The following GDAP1 variants were observed in gnomAD, a reference collection of about 807,000 sequenced individuals.
The protein encoded by GDAP1 is ganglioside-induced differentiation-associated protein 1.
A neutral mutation model predicts 40.1 loss-of-function variants in GDAP1; 34 were observed. That is an observed-to-expected ratio of 0.85 (90% confidence interval 0.64 to 1.13). The LOEUF (loss-of-function observed/expected upper bound fraction) is 1.13, where lower values mean the gene tolerates loss of function less well. Ranked by LOEUF, GDAP1 falls within the 50% of genes most tolerant of loss-of-function variation. GDAP1 has a pLI of 0.00. For missense variants in GDAP1, 374 were observed against 433.7 expected (o/e 0.86, Z 1.22); for synonymous variants, 170 against 157.4 (o/e 1.08, Z -0.60).
chr8:74,391,030 G>C (rs895793104), intron 2 of GDAP1, among the ~76,000 whole-genome samples: 1 of 151,986 alleles, frequency 6.6e-6, no homozygotes, highest in Non-Finnish European at 1.5e-5. Flanking sequence ...GACACCCCTC[G>C]CCCCACCAAG....
At chr8:74,469,062 A>T (rs1806510618) in intron 2 of GDAP1, among the ~76,000 whole-genome samples, 2 of 152,182 alleles carry the variant, frequency 1.3e-5, no homozygotes, top group Non-Finnish European at 2.9e-5. Flanking sequence ...ATGAATTATA[A>T]TAGGTGAATT....
At chr8:74,434,483 T>C (rs1806065173) in intron 2 of GDAP1, among the ~76,000 whole-genome samples, 1 of 152,218 alleles carries the variant, frequency 6.6e-6, no homozygotes, top group South Asian at 2.1e-4. Context: ...AGATCTACTA[T>C]ACAGAAAATT....
At chr8:74,474,086 T>C (rs553273012) in intron 2 of GDAP1, among the ~76,000 whole-genome samples, 6 of 152,300 alleles carry the variant, frequency 3.9e-5, no homozygotes, top group Non-Finnish European at 4.4e-5. Context: ...GCATTCCCGA[T>C]TTGGCTTTCA....
intron 2 of GDAP1, among the ~76,000 whole-genome samples, chr8:74,428,130 C>T (rs1401967986): frequency 6.6e-6 from 1 of 152,098 alleles, no homozygotes. Context: ...CAGTGGCTCA[C>T]ACTTGTAATA....
At position 74,410,041 on chromosome 8, in the gene GDAP1, G is replaced by T. The variant is rs887341232; in HGVS notation, c.165+58720G>T. On this transcript the variant is annotated intron_variant, in intron 2 of 2. Coordinates refer to the GDAP1 transcript ENST00000523640. Reference sequence around the variant, plus strand: ...CTGAACCCCTGGTGTTTCAGTAACAGTATCCCCAGTTCTGTATAAGTGCAT... The same window carrying T: ...CTGAACCCCTGGTGTTTCAGTAACATTATCCCCAGTTCTGTATAAGTGCAT... Among the ~76,000 whole-genome samples the T allele has an allele frequency of 2.7e-5, 4 of 149,950 alleles. 1 individual carries two copies. Among genetic ancestry groups the T allele is most frequent in the African/African-American group, 1.0e-4 (4 of 39,278 alleles).
At chr8:74,399,202 T>TCAAAGAATGTA (rs1563458044) in intron 2 of GDAP1, among the ~76,000 whole-genome samples, 14 of 150,288 alleles carry the variant, frequency 9.3e-5, no homozygotes, top group African/African-American at 3.3e-4. Flanking sequence ...GTTGGTAAGC[T>TCAAAGAATGTA]ATTGATTATT....
intron 2 of GDAP1, among the ~76,000 whole-genome samples, chr8:74,474,695 T>C (rs1430250582): frequency 6.6e-6 from 1 of 152,168 alleles, no homozygotes; most frequent in African/African-American, 2.4e-5. Flanking sequence ...TTCAGTTTGC[T>C]AGTATTATGT....
chr8:74,439,415 G>T (rs35773473), intron 2 of GDAP1, among the ~76,000 whole-genome samples: 1 of 151,676 alleles, frequency 6.6e-6, no homozygotes, highest in African/African-American at 2.4e-5. Context: ...CCAAATTTTC[G>T]TATGTGTGTA....
chr8:74,462,605 T>A (rs1418687581), intron 2 of GDAP1, among the ~76,000 whole-genome samples: 1 of 152,172 alleles, frequency 6.6e-6, no homozygotes, highest in East Asian at 1.9e-4. Context: ...AATGATCAAC[T>A]GTCAATACTT....
chr8:74,448,153 T>C (rs1017792148), intron 2 of GDAP1, among the ~76,000 whole-genome samples: 2 of 152,200 alleles, frequency 1.3e-5, no homozygotes, highest in Non-Finnish European at 2.9e-5. Context: ...ACCTTAGAAA[T>C]TTCTCAATCA....
intron 2 of GDAP1, among the ~76,000 whole-genome samples, chr8:74,463,613 T>C (rs1806430963): frequency 6.6e-6 from 1 of 152,192 alleles, no homozygotes; most frequent in Non-Finnish European, 1.5e-5. Flanking sequence ...TTTATTAAAC[T>C]GTCTAATAAG....
Position 74,361,870 on chromosome 8 carries a change from GT to G in GDAP1, c.485-9del, listed in dbSNP as rs1563443280. ...GAAAATAATTTTCTGTTTCCAAAAT[GT>G]TTTTATTATCAGGCCAAATTGGAAA... On this transcript the variant is annotated splice_polypyrimidine_tract_variant and intron_variant, in intron 3 of 5. Coordinates refer to ENST00000220822, the MANE Select transcript of GDAP1 (RefSeq NM_018972.4). The G allele has an allele frequency of 2.1e-6, 3 of 1,457,086 alleles. No homozygotes were observed. Among genetic ancestry groups the G allele is most frequent in the Non-Finnish European group, 2.9e-6 (3 of 1,035,472 alleles). The allele number at this position is 1,457,086 out of a possible 1,614,324, so 90.3% of individuals were successfully genotyped here.
At position 74,350,593 on chromosome 8, in the gene GDAP1, G is replaced by C; in HGVS notation, c.117+15G>C. The C allele has an allele frequency of 6.8e-7, 1 of 1,464,520 alleles. No individual in the cohort carries two copies. Among genetic ancestry groups the C allele is most frequent in the Non-Finnish European group, 9.6e-7 (1 of 1,043,318 alleles). 90.7% of individuals were successfully genotyped at this position (1,464,520 alleles called of 1,614,324 possible). A position where few individuals can be genotyped will look rare whatever the true frequency, so the allele number is the denominator to read the frequency against. On this transcript the variant is annotated intron_variant, in intron 1 of 5. Transcript: ENST00000220822. ...GCTCTCAAAAGGTACAACAGGCCTT[G>C]GCGGCGGAGGGTGGCGCGGATCGGG...
At chr8:74,472,575 T>C (rs2128720738) in intron 2 of GDAP1, among the ~76,000 whole-genome samples, 1 of 152,366 alleles carries the variant, frequency 6.6e-6, no homozygotes, top group South Asian at 2.1e-4. Flanking sequence ...GTGTTCCCTT[T>C]TCTCTGCAAC....
intron 2 of GDAP1, among the ~76,000 whole-genome samples, chr8:74,472,714 CTTTTCTTTTCTT>C: frequency 9.9e-5 from 1 of 10,096 alleles, no homozygotes; most frequent in African/African-American, 1.7e-4. Flanking sequence ...GCTTTCTTTT[CTTTTCTTTTCTT>C]TTCTTTTCTT....
chr8:74,407,886 A>G (rs1805661372), intron 2 of GDAP1, among the ~76,000 whole-genome samples: 1 of 149,800 alleles, frequency 6.7e-6, no homozygotes, highest in African/African-American at 2.6e-5. Context: ...GACTTAGACA[A>G]CAGGAAAAGA....
intron 2 of GDAP1, among the ~76,000 whole-genome samples, chr8:74,483,771 C>A (rs1173085932): frequency 2.0e-5 from 3 of 152,114 alleles, no homozygotes; most frequent in Admixed American, 6.5e-5. Context: ...ATTGGAATAG[C>A]TTCTACTTAG....
chr8:74,434,016 C>T (rs1369431286), intron 2 of GDAP1, among the ~76,000 whole-genome samples: 1 of 152,218 alleles, frequency 6.6e-6, no homozygotes, highest in Admixed American at 6.5e-5. Flanking sequence ...TGCATTTCTT[C>T]CTTAGGCTGG....
intron 2 of GDAP1, among the ~76,000 whole-genome samples, chr8:74,414,265 G>C (rs1227925034): frequency 6.7e-6 from 1 of 150,212 alleles, no homozygotes; most frequent in Middle Eastern, 3.4e-3. Flanking sequence ...AAATTACTTG[G>C]CATATGAAGC....
Sources: gnomAD v4.1 joint callset for allele counts (sites outside exome capture counted in the v4.1 genomes callset) on GRCh38, gnomAD v4.1.1 for gene constraint, MANE v1.5 for transcripts, NCBI Gene and HGNC (gene_info 2026-07-23, HGNC 2026-07-21) for gene names.